The following SIPA1L1 variants were observed in gnomAD, a reference collection of about 807,000 sequenced individuals.
SIPA1L1 encodes signal induced proliferation associated 1 like 1.
In SIPA1L1, 26 loss-of-function variants were observed where a neutral mutation model predicts 162.7. The observed-to-expected ratio is 0.16, with a 90% CI of 0.12 to 0.22. SIPA1L1 has a LOEUF of 0.22. Among genes scored for constraint, SIPA1L1 ranks in the 10% least tolerant of loss-of-function variants. The probability of loss-of-function intolerance (pLI) is 1.00; values close to 1 mark genes in which losing one functional copy is unlikely to be tolerated. For synonymous variants in SIPA1L1, 829 were observed against 837.4 expected, an observed-to-expected ratio of 0.99 and a Z score of 0.17; for missense variants, 1,874 against 2,241.0, an observed-to-expected ratio of 0.84 and a Z score of 3.31.
intron 5 of SIPA1L1, among the ~76,000 whole-genome samples, chr14:71,607,161 T>C (rs2037626305): frequency 6.6e-6 from 1 of 151,696 alleles, no homozygotes; most frequent in African/African-American, 2.4e-5. Context: ...CTTCTCCGAG[T>C]TCCAGGGGGA....
chr14:71,700,180 C>G (rs1021850662), intron 14 of SIPA1L1, among the ~76,000 whole-genome samples: 3 of 151,404 alleles, frequency 2.0e-5, no homozygotes, highest in African/African-American at 7.4e-5. Flanking sequence ...AACCAGAGGG[C>G]CAGAAAAATG....
chr14:71,441,055 A>G (rs960097871), intron 2 of SIPA1L1, among the ~76,000 whole-genome samples: 5 of 152,370 alleles, frequency 3.3e-5, no homozygotes, highest in East Asian at 1.9e-4. Flanking sequence ...TATTTGGGAA[A>G]GATCATTAAA....
At chr14:71,622,690 G>C (rs568480379) in intron 6 of SIPA1L1, among the ~76,000 whole-genome samples, 1 of 152,128 alleles carries the variant, frequency 6.6e-6, no homozygotes, top group Non-Finnish European at 1.5e-5. Flanking sequence ...TGTTTATAAT[G>C]AAAGAAAAAA....
chr14:71,579,391 G>A (rs116911752), intron 4 of SIPA1L1, among the ~76,000 whole-genome samples: 209 of 152,146 alleles, frequency 1.4e-3, no homozygotes, highest in Non-Finnish European at 2.5e-3. Flanking sequence ...CTACAGATAA[G>A]TGGCCTTCCC....
chr14:71,681,766 A>T (rs2045831353), intron 12 of SIPA1L1, among the ~76,000 whole-genome samples: 1 of 152,188 alleles, frequency 6.6e-6, no homozygotes, highest in Non-Finnish European at 1.5e-5. Flanking sequence ...TCAATTTCCT[A>T]GTCAACCATT....
chr14:71,663,079 A>G (rs1353320758), intron 10 of SIPA1L1, among the ~76,000 whole-genome samples: 2 of 152,258 alleles, frequency 1.3e-5, no homozygotes, highest in South Asian at 2.1e-4. Context: ...CAATGGGACT[A>G]TAATGCAAGC....
chr14:71,572,398 A>G (rs754517838), intron 4 of SIPA1L1, among the ~76,000 whole-genome samples: 1 of 152,246 alleles, frequency 6.6e-6, no homozygotes, highest in Non-Finnish European at 1.5e-5. Flanking sequence ...AAAGCTAGGC[A>G]TGCTAAGACT....
chr14:71,519,159 G>A (rs957585508), intron 3 of SIPA1L1, among the ~76,000 whole-genome samples: 1 of 151,916 alleles, frequency 6.6e-6, no homozygotes, highest in African/African-American at 2.4e-5. Flanking sequence ...ACCCGGTCGT[G>A]GTGGCATGCA....
intron 8 of SIPA1L1, among the ~76,000 whole-genome samples, chr14:71,655,835 A>T (rs2043008837): frequency 6.6e-6 from 1 of 150,936 alleles, no homozygotes; most frequent in Admixed American, 6.6e-5. Context: ...TTTCTTGTTG[A>T]TTTGCTTAAG....
chr14:71,698,915 A>C, intron 13 of SIPA1L1, 66 bp from the exon 14 acceptor site: 2 of 1,537,918 alleles, frequency 1.3e-6, no homozygotes, highest in Non-Finnish European at 1.8e-6. Context: ...GATATTATCC[A>C]TCATGCGTTG....
intron 13 of SIPA1L1, among the ~76,000 whole-genome samples, chr14:71,698,173 G>A (rs2149772436): frequency 6.6e-6 from 1 of 152,322 alleles, no homozygotes; most frequent in Non-Finnish European, 1.5e-5. Context: ...CTTAAACCTA[G>A]TCACAACTGT....
intron 6 of SIPA1L1, among the ~76,000 whole-genome samples, chr14:71,622,065 A>G (rs971568950): frequency 2.0e-5 from 3 of 152,232 alleles, no homozygotes; most frequent in Non-Finnish European, 2.9e-5. Context: ...CCTATTACAA[A>G]TGAAACAAGA....
At chr14:71,532,301 C>T (rs939313092) in intron 4 of SIPA1L1, among the ~76,000 whole-genome samples, 7 of 152,086 alleles carry the variant, frequency 4.6e-5, no homozygotes, top group African/African-American at 1.7e-4. Context: ...AAAATCAATT[C>T]GGTGAACTGA....
At chr14:71,645,305 T>G (rs1408058705) in intron 7 of SIPA1L1, among the ~76,000 whole-genome samples, 2 of 152,222 alleles carry the variant, frequency 1.3e-5, no homozygotes, top group Non-Finnish European at 2.9e-5. Context: ...ATTGGCAATC[T>G]TAAGTCCTTC....
At chr14:71,677,552 C>T (rs1438515243) in intron 12 of SIPA1L1, among the ~76,000 whole-genome samples, 2 of 152,164 alleles carry the variant, frequency 1.3e-5, no homozygotes, top group Non-Finnish European at 2.9e-5. Flanking sequence ...CTTGCCCTTG[C>T]GTATGTCCTG....
At position 71,739,075 on chromosome 14, in the gene SIPA1L1, C is replaced by T; in HGVS notation, c.5266C>T (p.Leu1756=). 1 of 1,614,120 alleles carries T rather than the reference C, an allele frequency of 6.2e-7. No individual in the cohort carries two copies. The highest frequency in any genetic ancestry group is 1.1e-5 in the South Asian group (1 of 91,080). Residue 1756 remains leucine, a synonymous_variant, in exon 24 of 24, where the codon CTG becomes TTG. Transcript: ENST00000381232. ...AEVQHLREDN[L]RLQEESQNAS... is the part of the protein sequence containing the mutation. ...GGTGCAGCACCTGCGAGAGGACAAC[C>T]TGAGGCTACAGGAGGAGTCCCAGAA...
At position 71,685,376 on chromosome 14, in the gene SIPA1L1, C is replaced by T; in HGVS notation, c.3119C>T (p.Thr1040Ile). The change falls in exon 13 of 24, where the codon ACC (threonine) becomes ATC (isoleucine). Residue 1040 changes from threonine to isoleucine, a missense_variant. By Grantham distance (89) the Thr-to-Ile change is moderately conservative. Transcript: ENST00000381232. ...DCTPRRSCSE[T>I]YRMPVMEYKM... ...GCCCCTAATAGGAGTTGCTCTGAAA[C>T]CTACCGCATGCCAGTGATGGAGTAC... 3.7e-6 allele frequency: 6 copies of T among 1,614,132 alleles called. 1 individual carries two copies. The South Asian group carries it at 4.4e-5, about 12-fold the overall frequency.
At position 71,337,829 on chromosome 14, in the gene SIPA1L1, C is replaced by G. The variant is rs115402282; in HGVS notation, c.-465+16648C>G. Among the ~76,000 whole-genome samples the G allele has an allele frequency of 3.4e-3, 519 of 152,158 alleles. 4 individuals are homozygous for G. Among genetic ancestry groups the G allele is most frequent in the African/African-American group, 0.012 (495 of 41,510 alleles). On this transcript the variant is annotated intron_variant, in intron 2 of 23. Transcript: ENST00000381232. ...GGCATGGTGATGCATGCCTGTAGTCCCAGCTGTTCAGGAGGCTGAGATGGG... is the reference window on the plus strand; with the variant it reads ...GGCATGGTGATGCATGCCTGTAGTCGCAGCTGTTCAGGAGGCTGAGATGGG...
At chr14:71,531,238 A>G (rs2053418619) in intron 4 of SIPA1L1, among the ~76,000 whole-genome samples, 1 of 151,436 alleles carries the variant, frequency 6.6e-6, no homozygotes, top group South Asian at 2.1e-4. Flanking sequence ...AGTCCAAATG[A>G]TGCTTCTGGC....
Sources: allele counts gnomAD v4.1 joint callset (sites outside exome capture counted in the v4.1 genomes callset), GRCh38; gene constraint gnomAD v4.1.1; transcripts MANE v1.5; gene names NCBI Gene and HGNC (gene_info 2026-07-23, HGNC 2026-07-21).